DAPK1: variants seen among roughly 807,000 people sequenced by gnomAD.
The protein encoded by DAPK1 is death associated protein kinase 1, also known as death-associated protein kinase 1.
In DAPK1, 56 loss-of-function variants were observed where a neutral mutation model predicts 144.9. That is an observed-to-expected ratio of 0.39 (90% CI 0.31 to 0.48). The LOEUF is 0.48. Among genes scored for constraint, DAPK1 ranks in the 20% least tolerant of loss-of-function variants. DAPK1 has a pLI of 0.95. For synonymous variants in DAPK1, 690 were observed against 749.0 expected (o/e 0.92, Z 1.29); for missense variants, 1,454 against 1,875.4 (o/e 0.78, Z 4.15).
In DAPK1 at chr9:87,504,245, A is replaced by G. The variant is rs181133605; in HGVS notation, c.62+5106A>G. ...GAAAGGGTCCAAAGTTTTAAGAGAG[A>G]TAAAGTTCAGCTACATAGATTAAAG... is the stretch of plus-strand genomic sequence containing the variant. On this transcript the variant is annotated intron_variant, in intron 2 of 25. Transcript: ENST00000408954. Among the ~76,000 whole-genome samples, 207 of 152,308 alleles carry G rather than the reference A, an allele frequency of 1.4e-3. 5 individuals are homozygous for G. The highest frequency in any genetic ancestry group is 0.012 in the Admixed American group (189 of 15,284).
intron 2 of DAPK1, among the ~76,000 whole-genome samples, chr9:87,582,953 G>A (rs1468214873): frequency 6.6e-6 from 1 of 152,090 alleles, no homozygotes; most frequent in African/African-American, 2.4e-5. Flanking sequence ...AGTAGCTGCT[G>A]CATGGTAAGT....
intron 2 of DAPK1, among the ~76,000 whole-genome samples, chr9:87,565,359 C>T (rs2118692631): frequency 1.3e-5 from 2 of 152,312 alleles, no homozygotes; most frequent in Middle Eastern, 3.4e-3. Flanking sequence ...CTGTCCAGAG[C>T]AGAATCTGAC....
intron 2 of DAPK1, among the ~76,000 whole-genome samples, chr9:87,569,043 C>T (rs978475731): frequency 2.9e-5 from 4 of 139,382 alleles, no homozygotes; most frequent in African/African-American, 5.2e-5. Flanking sequence ...CTCCAGGTCA[C>T]GTGTGTTTTT....
At chr9:87,585,010 C>A (rs953240877) in intron 2 of DAPK1, among the ~76,000 whole-genome samples, 1 of 152,120 alleles carries the variant, frequency 6.6e-6, no homozygotes, top group South Asian at 2.1e-4. Context: ...CTGTTAAGTC[C>A]ATTGCCCATT....
intron 2 of DAPK1, among the ~76,000 whole-genome samples, chr9:87,546,998 T>C: frequency 6.6e-6 from 1 of 151,926 alleles, no homozygotes; most frequent in East Asian, 1.9e-4. Flanking sequence ...CTCTACAAAA[T>C]ACACAAAAAT....
intron 8 of DAPK1, 105 bp from the exon 9 acceptor site, chr9:87,640,697 G>A (rs1483928220): frequency 1.6e-6 from 2 of 1,280,790 alleles, no homozygotes; most frequent in Non-Finnish European, 2.3e-6. Flanking sequence ...TCCCTGAACT[G>A]CATTTTCCAC....
intron 2 of DAPK1, among the ~76,000 whole-genome samples, chr9:87,504,357 T>TAA: frequency 6.6e-6 from 1 of 152,236 alleles, no homozygotes; most frequent in African/African-American, 2.4e-5. Context: ...CATGATGGTG[T>TAA]TAGTAAGTGG....
intron 6 of DAPK1, 33 bp from the exon 7 acceptor site, chr9:87,639,756 C>T: frequency 6.2e-7 from 1 of 1,612,028 alleles, no homozygotes; most frequent in South Asian, 1.1e-5. Context: ...ATTCTTCTGA[C>T]ATGTTTTTTT....
intron 2 of DAPK1, among the ~76,000 whole-genome samples, chr9:87,564,012 G>C (rs1211581813): frequency 1.3e-5 from 2 of 152,196 alleles, no homozygotes; most frequent in African/African-American, 4.8e-5. Context: ...AGTTTAGGAT[G>C]CCCGTCTCCC....
chr9:87,649,867 C>G, intron 15 of DAPK1, 54 bp from the exon 16 acceptor site: 1 of 1,583,598 alleles, frequency 6.3e-7, no homozygotes, highest in East Asian at 2.2e-5. Flanking sequence ...TTGCTTTATA[C>G]TTTGTTTCTC....
intron 2 of DAPK1, among the ~76,000 whole-genome samples, chr9:87,503,007 G>A (rs961993541): frequency 6.6e-6 from 1 of 152,164 alleles, no homozygotes; most frequent in African/African-American, 2.4e-5. Context: ...AGATGCAAAC[G>A]ATGATGCTGA....
chr9:87,539,429 A>ATTTT lies in DAPK1; in HGVS notation c.62+40290_62+40291insTTTT, dbSNP rs1563982111. On this transcript the variant is annotated intron_variant, in intron 2 of 25. Coordinates refer to ENST00000408954, the MANE Select transcript of DAPK1 (RefSeq NM_004938.4). Reference sequence around the variant, plus strand: ...ACAATTTATAAGTTTTAAATTTCTCACTTTTTTTTTTTTTTTTTGAGACAG... The same window carrying ATTTT: ...ACAATTTATAAGTTTTAAATTTCTCATTTTCTTTTTTTTTTTTTTTTTGAGACAG... Among the ~76,000 whole-genome samples, 396 of 68,432 alleles carry ATTTT rather than the reference A, an allele frequency of 5.8e-3. 3 individuals carry two copies. Among genetic ancestry groups the ATTTT allele is most frequent in the Middle Eastern group, 0.026 (3 of 116 alleles). 44.9% of individuals were successfully genotyped at this position (68,432 alleles called of 152,430 possible).
At chr9:87,702,950 G>A in intron 24 of DAPK1, 79 bp from the exon 25 acceptor site, 1 of 680,810 alleles carries the variant, frequency 1.5e-6, no homozygotes, top group Non-Finnish European at 2.7e-6. Context: ...CTGAATGAAA[G>A]GTGTCCTTTC....
chr9:87,700,246 A>G lies in DAPK1; in HGVS notation c.2871+9A>G. ...GAAGCCAGATTGTTTCGGTAAGTAC[A>G]CCATGGAAAGAGCCTGGACCCCTTT... On this transcript the variant is annotated intron_variant, in intron 24 of 25. Transcript: ENST00000408954. The G allele has an allele frequency of 1.2e-5, 20 of 1,610,386 alleles. No individual in the cohort carries two copies. Among genetic ancestry groups the G allele is most frequent in the Non-Finnish European group, 1.7e-5 (20 of 1,176,588 alleles).
chr9:87,557,246 G>A (rs903931072), intron 2 of DAPK1, among the ~76,000 whole-genome samples: 2 of 152,130 alleles, frequency 1.3e-5, no homozygotes, highest in Non-Finnish European at 2.9e-5. Context: ...AGCCCCATGA[G>A]GAATGCTCAG....
upstream of DAPK1, chr9:87,497,710 G>T: frequency 4.2e-6 from 1 of 237,186 alleles, no homozygotes; most frequent in Non-Finnish European, 8.1e-6. Context: ...GGAGCGCGGA[G>T]CTGGGAGGAG....
At chr9:87,637,873 A>G (rs552567724) in intron 3 of DAPK1, 70 bp from the exon 4 acceptor site, 38 of 1,531,202 alleles carry the variant, frequency 2.5e-5, no homozygotes, top group South Asian at 3.6e-5. Context: ...GAGCGCACCA[A>G]TAGTCTATGA....
At chr9:87,633,740 C>T (rs1829791821) in intron 3 of DAPK1, among the ~76,000 whole-genome samples, 1 of 152,136 alleles carries the variant, frequency 6.6e-6, no homozygotes, top group Admixed American at 6.5e-5. Context: ...GCCTAATTTC[C>T]ATTGGCTGAG....
chr9:87,604,828 G>A, intron 2 of DAPK1, 126 bp from the exon 3 acceptor site: 1 of 756,508 alleles, frequency 1.3e-6, no homozygotes. Flanking sequence ...TACCTAATTT[G>A]TTACTTTCCA....
Sources: allele counts gnomAD v4.1 joint callset (sites outside exome capture counted in the v4.1 genomes callset), GRCh38; gene constraint gnomAD v4.1.1; transcripts MANE v1.5; gene names NCBI Gene and HGNC (gene_info 2026-07-23, HGNC 2026-07-21).